The following LDLRAD3 variants were observed in gnomAD, a reference collection of about 807,000 sequenced individuals.
LDLRAD3 encodes low-density lipoprotein receptor class A domain-containing protein 3.
LDLRAD3 carries 20 observed loss-of-function variants against 29.4 expected under a neutral mutation model. That is an observed-to-expected ratio of 0.68 (90% CI 0.48 to 0.99). The LOEUF is 0.99. Among genes scored for constraint, LDLRAD3 ranks in the 50% least tolerant of loss-of-function variants. LDLRAD3 has a pLI of 0.00. For synonymous variants in LDLRAD3, 157 were observed against 192.7 expected (o/e 0.81, Z 1.53); for missense variants, 420 against 454.3 (o/e 0.92, Z 0.69).
chr11:36,029,565 T>G (rs1298509996), intron 1 of LDLRAD3, among the ~76,000 whole-genome samples: 1 of 152,128 alleles, frequency 6.6e-6, no homozygotes, highest in Admixed American at 6.5e-5. Context: ...ATAATTTTCC[T>G]CATGAAATGC....
At chr11:36,104,334 T>A (rs10768178) in intron 4 of LDLRAD3, among the ~76,000 whole-genome samples, 135,026 of 152,204 alleles carry the variant, frequency 0.89, 60,696 homozygotes, top group East Asian at 1. Context: ...CTTGTAAGAC[T>A]CCCTGAGCCA....
At chr11:36,142,660 G>T (rs768775172) in intron 4 of LDLRAD3, among the ~76,000 whole-genome samples, 1 of 152,000 alleles carries the variant, frequency 6.6e-6, no homozygotes, top group Non-Finnish European at 1.5e-5. Flanking sequence ...TGGTGCACCC[G>T]GTGCAGCCGG....
chr11:35,961,396 A>G (rs1851276018), intron 1 of LDLRAD3, among the ~76,000 whole-genome samples: 1 of 152,182 alleles, frequency 6.6e-6, no homozygotes, highest in Non-Finnish European at 1.5e-5. Flanking sequence ...GCGTGACCTT[A>G]CTTAGGCCAG....
intron 3 of LDLRAD3, among the ~76,000 whole-genome samples, chr11:36,089,313 A>G (rs1853242163): frequency 6.6e-6 from 1 of 152,242 alleles, no homozygotes. Flanking sequence ...CATAGAAAGG[A>G]TAAATAACTT....
At chr11:35,992,889 A>C (rs1329876562) in intron 1 of LDLRAD3, among the ~76,000 whole-genome samples, 1 of 152,252 alleles carries the variant, frequency 6.6e-6, no homozygotes, top group African/African-American at 2.4e-5. Context: ...TAAAGATCAC[A>C]TTTACATTGC....
At chr11:36,133,877 G>T (rs1853966636) in intron 4 of LDLRAD3, among the ~76,000 whole-genome samples, 1 of 151,914 alleles carries the variant, frequency 6.6e-6, no homozygotes. Context: ...AGTTCTGCTT[G>T]GGTGTGGGTT....
intron 1 of LDLRAD3, among the ~76,000 whole-genome samples, chr11:35,949,783 T>A (rs1565117922): frequency 6.6e-6 from 1 of 152,204 alleles, no homozygotes; most frequent in Non-Finnish European, 1.5e-5. Flanking sequence ...TATCTGCAGC[T>A]GTCTTCTTTT....
chr11:36,044,029 G>A (rs1852415864), intron 2 of LDLRAD3, among the ~76,000 whole-genome samples: 1 of 152,124 alleles, frequency 6.6e-6, no homozygotes, highest in Non-Finnish European at 1.5e-5. Flanking sequence ...TTCCTGGCAT[G>A]ATCCTCACTT....
intron 2 of LDLRAD3, among the ~76,000 whole-genome samples, chr11:36,076,637 C>T (rs777238141): frequency 3.3e-5 from 5 of 152,168 alleles, no homozygotes; most frequent in East Asian, 1.9e-4. Context: ...CCACCCACCT[C>T]GGCCTCCCAA....
At chr11:36,191,576 C>CTCTCTCTCTCTCTATATATA (rs377747518) in intron 4 of LDLRAD3, among the ~76,000 whole-genome samples, 2 of 53,430 alleles carry the variant, frequency 3.7e-5, no homozygotes, top group African/African-American at 1.7e-4. Context: ...CTCTCTCTCT[C>CTCTCTCTCTCTCTATATATA]TATATATATA....
chr11:36,129,849 T>A (rs1028228338), intron 4 of LDLRAD3, among the ~76,000 whole-genome samples: 22 of 152,328 alleles, frequency 1.4e-4, no homozygotes, highest in African/African-American at 5.3e-4. Flanking sequence ...CTGCATCTTT[T>A]CCCTTCCCTG....
chr11:36,059,278 G>A (rs1446462511), intron 2 of LDLRAD3, among the ~76,000 whole-genome samples: 1 of 151,368 alleles, frequency 6.6e-6, no homozygotes, highest in Non-Finnish European at 1.5e-5. Context: ...GCACACTTGA[G>A]CATGAGAGGT....
At chr11:36,146,585 T>A (rs1854197505) in intron 4 of LDLRAD3, among the ~76,000 whole-genome samples, 1 of 152,046 alleles carries the variant, frequency 6.6e-6, no homozygotes, top group Non-Finnish European at 1.5e-5. Flanking sequence ...ATCAGCAGGG[T>A]TTGTTCCTTC....
At chr11:36,141,029 T>TCTCTCC (rs1332611112) in intron 4 of LDLRAD3, among the ~76,000 whole-genome samples, 2 of 149,604 alleles carry the variant, frequency 1.3e-5, no homozygotes, top group Non-Finnish European at 3.0e-5. Context: ...TCTCTCTCTC[T>TCTCTCC]CTCTCTCCGT....
chr11:36,128,614 T>C (rs898390326), intron 4 of LDLRAD3, among the ~76,000 whole-genome samples: 9 of 152,132 alleles, frequency 5.9e-5, no homozygotes, highest in Non-Finnish European at 1.0e-4. Context: ...TTTGGGAGGC[T>C]GAAGTGGGTA....
At chr11:36,188,242 C>T (rs1237467507) in intron 4 of LDLRAD3, among the ~76,000 whole-genome samples, 1 of 151,850 alleles carries the variant, frequency 6.6e-6, no homozygotes, top group African/African-American at 2.4e-5. Context: ...GATATGACTA[C>T]CTACCTTCAA....
At chr11:36,021,251 A>G (rs1852091109) in intron 1 of LDLRAD3, among the ~76,000 whole-genome samples, 1 of 152,226 alleles carries the variant, frequency 6.6e-6, no homozygotes, top group Non-Finnish European at 1.5e-5. Context: ...GTGAAGGTCC[A>G]ACTAATAGTG....
In LDLRAD3 at chr11:36,012,797, A is replaced by T. The variant is rs1367179544; in HGVS notation, c.47-23306A>T. Among the ~76,000 whole-genome samples, 6 of 152,122 alleles carry T rather than the reference A, an allele frequency of 3.9e-5. No individual in the cohort carries two copies. The East Asian group carries it at 1.2e-3, about 29-fold the overall frequency. On this transcript the variant is annotated intron_variant, in intron 1 of 5. Coordinates refer to ENST00000315571, the MANE Select transcript of LDLRAD3 (RefSeq NM_174902.4). ...ATTGACTGAGGGTAACTGAAACTGC[A>T]AAAAACGAAACTGCAGAAAAGGGAG...
At chr11:36,063,802 A>C (rs990053844) in intron 2 of LDLRAD3, among the ~76,000 whole-genome samples, 1 of 152,322 alleles carries the variant, frequency 6.6e-6, no homozygotes, top group South Asian at 2.1e-4. Context: ...ACAGTGTCTT[A>C]ATTACTCTAG....
Sources: allele counts gnomAD v4.1 joint callset (sites outside exome capture counted in the v4.1 genomes callset), GRCh38; gene constraint gnomAD v4.1.1; transcripts MANE v1.5; gene names NCBI Gene and HGNC (gene_info 2026-07-23, HGNC 2026-07-21).